Variants in ADARB2 observed in about 807,000 individuals in gnomAD.
The protein encoded by ADARB2 is adenosine deaminase RNA specific B2 (inactive), also known as inactive double-stranded RNA-specific editase B2.
ADARB2 carries 25 observed loss-of-function variants against 62.2 expected under a neutral mutation model. The ratio of observed to expected loss-of-function variants is 0.40; its 90% CI spans 0.29 to 0.56. The LOEUF (loss-of-function observed/expected upper bound fraction) is 0.56. ADARB2 is among the 20% of genes least tolerant of loss of function. The pLI, the probability that ADARB2 is intolerant of heterozygous loss-of-function variation, is 0.43. For synonymous variants in ADARB2, 572 were observed against 500.8 expected (o/e 1.14, Z -1.90); for missense variants, 1,071 against 1,077.4 (o/e 0.99, Z 0.08).
At chr10:1,437,179 C>T (rs1830842521) in intron 1 of ADARB2, among the ~76,000 whole-genome samples, 1 of 151,964 alleles carries the variant, frequency 6.6e-6, no homozygotes, top group Non-Finnish European at 1.5e-5. Context: ...TGGGAAAAAA[C>T]ATTTTATATG....
intron 1 of ADARB2, among the ~76,000 whole-genome samples, chr10:1,458,776 G>A (rs181829526): frequency 5.3e-5 from 8 of 152,294 alleles, no homozygotes; most frequent in South Asian, 2.1e-4. Context: ...ATCCAGCAGC[G>A]AACGTAGTTT....
At chr10:1,481,702 CA>C (rs1438106842) in intron 1 of ADARB2, among the ~76,000 whole-genome samples, 1 of 151,812 alleles carries the variant, frequency 6.6e-6, no homozygotes, top group Admixed American at 6.6e-5. Flanking sequence ...ACTAAAAATA[CA>C]AAAATTAGCT....
intron 7 of ADARB2, among the ~76,000 whole-genome samples, chr10:1,200,967 T>C (rs1836977822): frequency 1.3e-5 from 2 of 152,246 alleles, no homozygotes; most frequent in African/African-American, 4.8e-5. Flanking sequence ...GCGTCTCTTT[T>C]CATGATTAAT....
At chr10:1,373,307 C>T (rs1266162087) in intron 2 of ADARB2, among the ~76,000 whole-genome samples, 1 of 151,894 alleles carries the variant, frequency 6.6e-6, no homozygotes, top group Non-Finnish European at 1.5e-5. Context: ...CTGTTTCTGT[C>T]TCTGACACAC....
At chr10:1,705,567 C>T (rs1834878489) in intron 1 of ADARB2, among the ~76,000 whole-genome samples, 1 of 152,214 alleles carries the variant, frequency 6.6e-6, no homozygotes, top group Admixed American at 6.5e-5. Context: ...AGATTGTTTA[C>T]AGACAGTTTT....
chr10:1,329,180 C>T (rs191463926), intron 3 of ADARB2, among the ~76,000 whole-genome samples: 6 of 152,248 alleles, frequency 3.9e-5, no homozygotes, highest in African/African-American at 7.2e-5. Flanking sequence ...CATTTCAGCA[C>T]GACAGAGAGC....
intron 1 of ADARB2, among the ~76,000 whole-genome samples, chr10:1,521,969 C>T (rs1282279043): frequency 1.3e-5 from 2 of 152,174 alleles, no homozygotes; most frequent in Non-Finnish European, 2.9e-5. Flanking sequence ...GGCCGGGTCA[C>T]CCATATTTGG....
chr10:1,340,065 A>G (rs1458011184), intron 3 of ADARB2, among the ~76,000 whole-genome samples: 1 of 151,972 alleles, frequency 6.6e-6, no homozygotes, highest in Non-Finnish European at 1.5e-5. Context: ...GAATTGAATC[A>G]GCACCCACCA....
chr10:1,685,920 G>A (rs985304628), intron 1 of ADARB2, among the ~76,000 whole-genome samples: 1 of 152,200 alleles, frequency 6.6e-6, no homozygotes, highest in Non-Finnish European at 1.5e-5. Flanking sequence ...GGTGGCCTCT[G>A]CCCGGGACGG....
intron 1 of ADARB2, among the ~76,000 whole-genome samples, chr10:1,672,102 C>G (rs917879473): frequency 6.9e-6 from 1 of 144,294 alleles, no homozygotes; most frequent in Non-Finnish European, 1.5e-5. Context: ...GGGCATCAAG[C>G]AGAGCCCTAC....
intron 1 of ADARB2, among the ~76,000 whole-genome samples, chr10:1,513,716 A>G (rs1301763135): frequency 6.6e-6 from 1 of 152,174 alleles, no homozygotes; most frequent in Admixed American, 6.5e-5. Flanking sequence ...CAGTGTCAGG[A>G]ACAACCAGGG....
intron 1 of ADARB2, among the ~76,000 whole-genome samples, chr10:1,598,977 C>A (rs531467795): frequency 6.6e-6 from 1 of 152,226 alleles, no homozygotes; most frequent in Non-Finnish European, 1.5e-5. Context: ...GCGCAGCTGC[C>A]GGTGTGTGGT....
intron 1 of ADARB2, among the ~76,000 whole-genome samples, chr10:1,393,418 T>A (rs1375053374): frequency 1.3e-5 from 2 of 152,254 alleles, no homozygotes; most frequent in Admixed American, 6.5e-5. Context: ...TTATTGGCTC[T>A]ATTCATCCTG....
chr10:1,293,201 AAAGAGGG>A (rs1831489472), intron 3 of ADARB2, among the ~76,000 whole-genome samples: 3 of 97,394 alleles, frequency 3.1e-5, no homozygotes, highest in Admixed American at 1.1e-4. Flanking sequence ...GGAATAGAAA[AAAGAGGG>A]AGGGAGGGAG....
At chr10:1,447,002 T>C (rs1265926732) in intron 1 of ADARB2, among the ~76,000 whole-genome samples, 1 of 152,246 alleles carries the variant, frequency 6.6e-6, no homozygotes, top group Non-Finnish European at 1.5e-5. Flanking sequence ...ATTTGAAAAT[T>C]GATTATTTAA....
intron 4 of ADARB2, among the ~76,000 whole-genome samples, chr10:1,246,849 G>A (rs1830990319): frequency 6.6e-6 from 1 of 151,592 alleles, no homozygotes; most frequent in South Asian, 2.1e-4. Flanking sequence ...ATGAACTTTA[G>A]TTTTTTCCAG....
At chr10:1,588,102 A>T (rs184029148) in intron 1 of ADARB2, among the ~76,000 whole-genome samples, 1 of 152,274 alleles carries the variant, frequency 6.6e-6, no homozygotes, top group East Asian at 1.9e-4. Flanking sequence ...TGTTTGACCC[A>T]ATCACAGGCT....
intron 1 of ADARB2, among the ~76,000 whole-genome samples, chr10:1,585,926 T>A (rs920447036): frequency 6.6e-6 from 1 of 152,044 alleles, no homozygotes; most frequent in Non-Finnish European, 1.5e-5. Flanking sequence ...CCCAGCTACT[T>A]GGGAGGCTGA....
intron 1 of ADARB2, among the ~76,000 whole-genome samples, chr10:1,717,307 C>T (rs942778428): frequency 2.0e-5 from 3 of 151,320 alleles, no homozygotes; most frequent in Admixed American, 1.3e-4. Flanking sequence ...GGATCTGAGT[C>T]GGGGAAGCCC....
Sources: gnomAD v4.1 joint callset for allele counts (sites outside exome capture counted in the v4.1 genomes callset) on GRCh38, gnomAD v4.1.1 for gene constraint, MANE v1.5 for transcripts, NCBI Gene and HGNC (gene_info 2026-07-23, HGNC 2026-07-21) for gene names.